KIF16B: variants seen among roughly 807,000 people sequenced by gnomAD.
The protein encoded by KIF16B is kinesin-like protein KIF16B.
In KIF16B, 98 loss-of-function variants were observed where a neutral mutation model predicts 156.3. The observed-to-expected ratio is 0.63, with a 90% confidence interval of 0.53 to 0.74. The LOEUF (loss-of-function observed/expected upper bound fraction) is 0.74. Among genes scored for constraint, KIF16B ranks in the 30% least tolerant of loss-of-function variants. The probability of loss-of-function intolerance (pLI) is 0.00; values close to 1 mark genes in which losing one functional copy is unlikely to be tolerated. For synonymous variants in KIF16B, 564 were observed against 583.7 expected (o/e 0.97, Z 0.49); for missense variants, 1,421 against 1,606.5 (o/e 0.88, Z 1.97).
chr20:16,513,659 TAA>T (rs10713040), intron 4 of KIF16B, among the ~76,000 whole-genome samples: 3,339 of 112,670 alleles, frequency 0.03, 92 homozygotes, highest in African/African-American at 0.078. Context: ...AAACTACGTT[TAA>T]AAAAAAAAAA....
At chr20:16,564,463 G>A (rs2071179079) in intron 1 of KIF16B, among the ~76,000 whole-genome samples, 1 of 152,008 alleles carries the variant, frequency 6.6e-6, no homozygotes, top group South Asian at 2.1e-4. Flanking sequence ...ATTGAACAAT[G>A]AGAACACTTG....
chr20:16,273,436 A>G, intron 25 of KIF16B, 25 bp from the exon 26 acceptor site: 2 of 1,612,572 alleles, frequency 1.2e-6, no homozygotes, highest in Non-Finnish European at 1.7e-6. Context: ...AGAGTTAAGA[A>G]CATGGTCAAT....
At chr20:16,284,855 C>A (rs1223193467) in intron 25 of KIF16B, among the ~76,000 whole-genome samples, 2 of 152,190 alleles carry the variant, frequency 1.3e-5, no homozygotes, top group Non-Finnish European at 2.9e-5. Context: ...AGGGACCACG[C>A]ATGCACACTG....
At chr20:16,505,991 CAGA>C in intron 8 of KIF16B, 28 bp downstream of exon 8, 1 of 1,612,456 alleles carries the variant, frequency 6.2e-7, no homozygotes, top group Non-Finnish European at 8.5e-7. Context: ...GAGGAGGAAA[CAGA>C]GGAGGCAGGA....
At chr20:16,368,576 C>T (rs2064736976) in intron 22 of KIF16B, 1 of 985,822 alleles carries the variant, frequency 1.0e-6, no homozygotes, top group African/African-American at 1.7e-5. Context: ...TTATAAAGGT[C>T]TGAGAACTTG....
At chr20:16,363,092 G>A (rs1326948503) in intron 22 of KIF16B, among the ~76,000 whole-genome samples, 1 of 152,174 alleles carries the variant, frequency 6.6e-6, no homozygotes, top group African/African-American at 2.4e-5. Flanking sequence ...GGAGGTAAAG[G>A]AGAAAAATCA....
chr20:16,565,505 A>C (rs2071220258), intron 1 of KIF16B, among the ~76,000 whole-genome samples: 1 of 152,226 alleles, frequency 6.6e-6, no homozygotes, highest in Non-Finnish European at 1.5e-5. Context: ...TACAAAACAG[A>C]ACCTGAGCCT....
In KIF16B at chr20:16,415,654, T is replaced by C. The variant is rs577052537; in HGVS notation, c.1613-9198A>G. Among the ~76,000 whole-genome samples, 116 of 152,220 alleles carry C rather than the reference T, an allele frequency of 7.6e-4. No individual in the cohort carries two copies. The South Asian group carries it at 1.0e-2, about 13-fold the overall frequency. On this transcript the variant is annotated intron_variant, in intron 15 of 25. Transcript: ENST00000354981. ...GCGTTGATCTCACTACTCCTTCTCCTCCCTCCATCCCCTTTCCAGTCTTAG... is the reference window on the plus strand; with the variant it reads ...GCGTTGATCTCACTACTCCTTCTCCCCCCTCCATCCCCTTTCCAGTCTTAG...
intron 23 of KIF16B, among the ~76,000 whole-genome samples, chr20:16,346,199 G>A (rs1401342467): frequency 6.6e-6 from 1 of 152,204 alleles, no homozygotes; most frequent in Non-Finnish European, 1.5e-5. Context: ...AAGAAGCTGG[G>A]CCTCTGCAGG....
At chr20:16,517,317 T>C (rs998006968) in intron 3 of KIF16B, among the ~76,000 whole-genome samples, 1 of 152,228 alleles carries the variant, frequency 6.6e-6, no homozygotes, top group Non-Finnish European at 1.5e-5. Flanking sequence ...TTCTTAACCA[T>C]TTTAGCTTTA....
rs747508639 is a variant in KIF16B at position 16,336,024 on chromosome 20, C to T, written c.3622-9G>A. The T allele has an allele frequency of 6.5e-7, 1 of 1,534,644 alleles. No individual in the cohort carries two copies. Among genetic ancestry groups the T allele is most frequent in the Non-Finnish European group, 8.9e-7 (1 of 1,125,808 alleles). ...TCATCTAGGACAGTAATCTATTAAC[C>T]AGGAAAACCAAAATGAATAAGCATT... is the stretch of plus-strand genomic sequence containing the variant. On this transcript the variant is annotated splice_polypyrimidine_tract_variant and intron_variant, in intron 23 of 25. Transcript: ENST00000354981.
At chr20:16,370,677 A>G in intron 21 of KIF16B, 41 bp from the exon 22 acceptor site, 1 of 1,476,748 alleles carries the variant, frequency 6.8e-7, no homozygotes. Context: ...AAATTATAGC[A>G]AGTTCACGGG....
intron 12 of KIF16B, among the ~76,000 whole-genome samples, chr20:16,472,002 T>C (rs1197255354): frequency 1.3e-5 from 2 of 152,216 alleles, no homozygotes; most frequent in Non-Finnish European, 2.9e-5. Context: ...GGCCTAATGT[T>C]AACATGAAAC....
chr20:16,502,311 T>C (rs865983489), intron 10 of KIF16B, among the ~76,000 whole-genome samples: 13 of 152,038 alleles, frequency 8.6e-5, no homozygotes, highest in Non-Finnish European at 8.8e-5. Context: ...CCCAGAAAAA[T>C]GTATACAGAG....
chr20:16,420,940 C>T (rs1304381147), intron 15 of KIF16B, among the ~76,000 whole-genome samples: 2 of 152,076 alleles, frequency 1.3e-5, no homozygotes, highest in African/African-American at 4.8e-5. Context: ...ATAGCACACA[C>T]ATTAAGTTAT....
intron 24 of KIF16B, among the ~76,000 whole-genome samples, chr20:16,318,378 T>C (rs896490017): frequency 4.6e-5 from 7 of 151,798 alleles, no homozygotes; most frequent in Non-Finnish European, 1.0e-4. Context: ...AAGAAGTAAA[T>C]AATACACACA....
intron 3 of KIF16B, among the ~76,000 whole-genome samples, chr20:16,518,475 G>T (rs2069219093): frequency 6.6e-6 from 1 of 152,154 alleles, no homozygotes; most frequent in African/African-American, 2.4e-5. Flanking sequence ...CACTTGAGGG[G>T]AACTGCCCAC....
chr20:16,407,635 A>G (rs991579533), intron 15 of KIF16B, among the ~76,000 whole-genome samples: 1 of 152,136 alleles, frequency 6.6e-6, no homozygotes, highest in African/African-American at 2.4e-5. Flanking sequence ...TGCTCAGGAC[A>G]GAGGAGAGAA....
chr20:16,554,286 G>C (rs2070768911), intron 1 of KIF16B, among the ~76,000 whole-genome samples: 1 of 152,148 alleles, frequency 6.6e-6, no homozygotes, highest in African/African-American at 2.4e-5. Context: ...AAAAGCCCAG[G>C]ATTCAGCCAG....
Sources: gnomAD v4.1 joint callset for allele counts (sites outside exome capture counted in the v4.1 genomes callset) on GRCh38, gnomAD v4.1.1 for gene constraint, MANE v1.5 for transcripts, NCBI Gene and HGNC (gene_info 2026-07-23, HGNC 2026-07-21) for gene names.